Variants in ANO3 observed in about 807,000 individuals in gnomAD.
The protein encoded by ANO3 is anoctamin-3.
A neutral mutation model predicts 144.8 loss-of-function variants in ANO3; 99 were observed. That is an observed-to-expected ratio of 0.68 (90% CI 0.58 to 0.81). ANO3 has a LOEUF of 0.81. Ranked by LOEUF, ANO3 falls within the 30% of genes least tolerant of loss-of-function variation. ANO3 has a pLI of 0.00. For synonymous variants in ANO3, 414 were observed against 392.6 expected, an observed-to-expected ratio of 1.05 and a Z score of -0.64; for missense variants, 905 against 1,202.2, an observed-to-expected ratio of 0.75 and a Z score of 3.66.
intron 21 of ANO3, among the ~76,000 whole-genome samples, chr11:26,641,297 C>A (rs1033066111): frequency 6.6e-6 from 1 of 152,190 alleles, no homozygotes; most frequent in Non-Finnish European, 1.5e-5. Context: ...CCTCATGTTT[C>A]TAAACTCAGA....
At chr11:26,329,024 T>C (rs1486095670), upstream of ANO3, among the ~76,000 whole-genome samples, 1 of 152,008 alleles carries the variant, frequency 6.6e-6, no homozygotes, top group African/African-American at 2.4e-5. Context: ...CTAAACATTA[T>C]ATAAAATACA....
chr11:26,470,239 G>A (rs1429287003), intron 4 of ANO3, among the ~76,000 whole-genome samples: 2 of 151,656 alleles, frequency 1.3e-5, no homozygotes, highest in Non-Finnish European at 2.9e-5. Flanking sequence ...GTGAAACCCT[G>A]TTTCTACAGA....
At chr11:26,500,174 A>G (rs1861135908) in intron 4 of ANO3, among the ~76,000 whole-genome samples, 1 of 152,100 alleles carries the variant, frequency 6.6e-6, no homozygotes, top group South Asian at 2.1e-4. Context: ...TTTATTGGAT[A>G]GATATATGTG....
At chr11:26,195,989 A>G (rs1851580108) in intron 1 of ANO3, among the ~76,000 whole-genome samples, 1 of 152,126 alleles carries the variant, frequency 6.6e-6, no homozygotes, top group African/African-American at 2.4e-5. Flanking sequence ...CTTTTTTTCC[A>G]TTGTTCTGCC....
At chr11:26,266,988 A>C (rs1185841590) in intron 1 of ANO3, among the ~76,000 whole-genome samples, 4 of 151,220 alleles carry the variant, frequency 2.6e-5, no homozygotes, top group Non-Finnish European at 5.9e-5. Context: ...GCTACTCGGG[A>C]GGCTGAGGCA....
chr11:26,303,518 G>T (rs1038986175), intron 1 of ANO3, among the ~76,000 whole-genome samples: 1 of 152,070 alleles, frequency 6.6e-6, no homozygotes, highest in African/African-American at 2.4e-5. Flanking sequence ...CACAAAGATG[G>T]AAACAATAGA....
chr11:26,226,400 T>C lies in ANO3; in HGVS notation c.154+37070T>C, dbSNP rs914042520. Among the ~76,000 whole-genome samples, 6 of 152,272 alleles carry C rather than the reference T, an allele frequency of 3.9e-5. No homozygotes were observed. The East Asian group carries it at 1.2e-3, about 29-fold the overall frequency. On this transcript the variant is annotated intron_variant, in intron 1 of 27. Transcript: ENST00000672621. Reference sequence around the variant, plus strand: ...ATTTTGGTTATAAACATATTTTCTGTTAAAGATTATTTCATCCACTTTCCA... The same window carrying C: ...ATTTTGGTTATAAACATATTTTCTGCTAAAGATTATTTCATCCACTTTCCA...
At chr11:26,311,819 C>T (rs997066196) in intron 1 of ANO3, among the ~76,000 whole-genome samples, 4 of 152,144 alleles carry the variant, frequency 2.6e-5, no homozygotes, top group Admixed American at 6.5e-5. Context: ...ATATTTCCCT[C>T]TTAACTGATT....
At position 26,656,564 on chromosome 11, in the gene ANO3, C is replaced by T. The variant is rs1421024688; in HGVS notation, c.2763+83C>T. 3.8e-5 allele frequency: 34 copies of T among 891,348 alleles called. No individual in the cohort carries two copies. In the Admixed American group the frequency reaches 6.7e-4, roughly 18 times the overall value. 55.2% of individuals were successfully genotyped at this position (891,348 alleles called of 1,614,324 possible). ...TCAGTTGCCTCTTTGAAATCAGTTC[C>T]TCAGACTTCCATAAAAACACTTAAG... is the stretch of plus-strand genomic sequence containing the variant. On this transcript the variant is annotated intron_variant, in intron 26 of 26. Coordinates refer to ENST00000256737, the MANE Select transcript of ANO3 (RefSeq NM_031418.4).
intron 1 of ANO3, among the ~76,000 whole-genome samples, chr11:26,374,041 G>A (rs964674223): frequency 5.9e-5 from 9 of 152,076 alleles, no homozygotes; most frequent in Admixed American, 2.0e-4. Flanking sequence ...TATATAAATG[G>A]TATCAGCCTT....
At chr11:26,544,273 T>TATATATATATATATATACACACACACAC in intron 11 of ANO3, among the ~76,000 whole-genome samples, 7 of 58,548 alleles carry the variant, frequency 1.2e-4, no homozygotes, top group Admixed American at 2.1e-4. Context: ...TATATATATA[T>TATATATATATATATATACACACACACAC]ACACACATAC....
chr11:26,436,633 G>A (rs1444739340), intron 1 of ANO3, among the ~76,000 whole-genome samples: 1 of 151,534 alleles, frequency 6.6e-6, no homozygotes, highest in East Asian at 2.0e-4. Flanking sequence ...CAGTGAGGAG[G>A]AGTAGGATTG....
chr11:26,214,326 C>A (rs538522476), intron 1 of ANO3, among the ~76,000 whole-genome samples: 14 of 151,820 alleles, frequency 9.2e-5, no homozygotes, highest in Non-Finnish European at 1.5e-4. Flanking sequence ...AGGATGGAAC[C>A]TTCCAGTTTC....
intron 1 of ANO3, among the ~76,000 whole-genome samples, chr11:26,282,139 G>A (rs1326845189): frequency 1.3e-5 from 2 of 152,150 alleles, no homozygotes; most frequent in African/African-American, 2.4e-5. Flanking sequence ...TTCGGAGGGT[G>A]TTAGACAAAA....
chr11:26,327,171 ATATT>A (rs1854906364), upstream of ANO3, among the ~76,000 whole-genome samples: 1 of 152,200 alleles, frequency 6.6e-6, no homozygotes, highest in Non-Finnish European at 1.5e-5. Flanking sequence ...CATTCAGCAA[ATATT>A]TATTTGCTCA....
chr11:26,492,036 TC>T (rs1201741659), intron 4 of ANO3, among the ~76,000 whole-genome samples: 1 of 152,198 alleles, frequency 6.6e-6, no homozygotes, highest in Admixed American at 6.5e-5. Flanking sequence ...GGACAAGGGT[TC>T]CCCTGTTTTC....
At chr11:26,432,386 T>C (rs1421826596) in intron 1 of ANO3, among the ~76,000 whole-genome samples, 1 of 152,142 alleles carries the variant, frequency 6.6e-6, no homozygotes, top group Non-Finnish European at 1.5e-5. Context: ...GATAGTTTCT[T>C]TCCCTGCGAA....
In ANO3 at chr11:26,662,316, C is replaced by T. The variant is rs950429310; in HGVS notation, c.*1872C>T. 3 of 108,122 alleles carry T rather than the reference C, an allele frequency of 2.8e-5. No individual in the cohort carries two copies. Among genetic ancestry groups the T allele is most frequent in the African/African-American group, 7.9e-5 (3 of 37,928 alleles). The allele number at this position is 108,122 out of a possible 1,614,324, so 6.7% of individuals were successfully genotyped here. A position where few individuals can be genotyped will look rare whatever the true frequency, so the allele number is the denominator to read the frequency against. ...AGATTCCAGAGAGGTTCTCATGCTCCCCCCCCTCCTTATTTGTAGCAATCG... is the reference window on the plus strand; with the variant it reads ...AGATTCCAGAGAGGTTCTCATGCTCTCCCCCCTCCTTATTTGTAGCAATCG... On this transcript the variant is annotated 3_prime_UTR_variant, in exon 27 of 27. Transcript: ENST00000256737.
intron 1 of ANO3, among the ~76,000 whole-genome samples, chr11:26,358,329 G>A (rs980225503): frequency 6.6e-6 from 1 of 151,924 alleles, no homozygotes; most frequent in Non-Finnish European, 1.5e-5. Context: ...ACGCCACCAC[G>A]CACGGCTAAT....
Sources: allele counts gnomAD v4.1 joint callset (sites outside exome capture counted in the v4.1 genomes callset), GRCh38; gene constraint gnomAD v4.1.1; transcripts MANE v1.5; gene names NCBI Gene and HGNC (gene_info 2026-07-23, HGNC 2026-07-21).